CKAP5: variants seen among roughly 807,000 people sequenced by gnomAD.
The protein encoded by CKAP5 is cytoskeleton associated protein 5.
In CKAP5, 27 loss-of-function variants were observed where a neutral mutation model predicts 232.8. That is an observed-to-expected ratio of 0.12 (90% CI 0.09 to 0.16). The LOEUF (loss-of-function observed/expected upper bound fraction) is 0.16. CKAP5 is among the 10% of genes least tolerant of loss of function. The probability of loss-of-function intolerance (pLI) is 1.00; values close to 1 mark genes in which losing one functional copy is unlikely to be tolerated. For synonymous variants in CKAP5, 785 were observed against 841.1 expected (o/e 0.93, Z 1.16); for missense variants, 1,838 against 2,424.7 (o/e 0.76, Z 5.08).
chr11:46,800,620 T>TAC (rs35363443), intron 9 of CKAP5, among the ~76,000 whole-genome samples: 1 of 112,044 alleles, frequency 8.9e-6, no homozygotes, highest in African/African-American at 5.3e-5. Flanking sequence ...GAAACAAACT[T>TAC]ATACAAATAG....
At chr11:46,759,498 AAGAGTAGCACTGTC>A in intron 33 of CKAP5, 56 bp from the exon 34 acceptor site, 1 of 1,537,592 alleles carries the variant, frequency 6.5e-7, no homozygotes, top group Non-Finnish European at 8.8e-7. Flanking sequence ...ACCAAAGGGC[AAGAGTAGCACTGTC>A]AGTTGCCCCA....
At chr11:46,839,519 CACT>C (rs1469075348) in intron 1 of CKAP5, among the ~76,000 whole-genome samples, 6 of 152,174 alleles carry the variant, frequency 3.9e-5, no homozygotes, top group African/African-American at 1.4e-4. Flanking sequence ...CCACCGCCAC[CACT>C]GTCACAGTTG....
chr11:46,759,174 A>G, intron 34 of CKAP5, 95 bp downstream of exon 34: 1 of 1,511,458 alleles, frequency 6.6e-7, no homozygotes, highest in Non-Finnish European at 9.0e-7. Flanking sequence ...AATCAGTTCT[A>G]AAAAGTTTTA....
At chr11:46,819,108 C>T (rs1462206241) in intron 2 of CKAP5, among the ~76,000 whole-genome samples, 1 of 152,068 alleles carries the variant, frequency 6.6e-6, no homozygotes, top group Admixed American at 6.5e-5. Context: ...GCATTAAGTA[C>T]TACAAAGGAG....
At chr11:46,770,730 A>G (rs943522695) in intron 25 of CKAP5, 58 bp downstream of exon 25, 63 of 1,502,504 alleles carry the variant, frequency 4.2e-5, no homozygotes, top group Non-Finnish European at 5.7e-5. Flanking sequence ...TGCCAGGCCC[A>G]TGTTAAATAT....
intron 42 of CKAP5, among the ~76,000 whole-genome samples, chr11:46,749,457 G>GAAAAAAAAAAAAAAAAAAA (rs951405505): frequency 2.6e-5 from 2 of 76,486 alleles, no homozygotes; most frequent in Non-Finnish European, 2.8e-5. Flanking sequence ...TCCGTCTCAA[G>GAAAAAAAAAAAAAAAAAAA]AAAAAAAAAA....
chr11:46,755,084 C>T lies in CKAP5; in HGVS notation c.4690-17G>A. 1.3e-6 allele frequency: 2 copies of T among 1,579,832 alleles called. No individual in the cohort carries two copies. Among genetic ancestry groups the T allele is most frequent in the South Asian group, 2.3e-5 (2 of 85,582 alleles). On this transcript the variant is annotated splice_polypyrimidine_tract_variant and intron_variant, in intron 35 of 43. Transcript: ENST00000529230. Reference sequence around the variant, plus strand: ...CTCATCGATCTGATAACAAAAATTTCAAGATATATTTTCCAAGCTTCATAC... The same window carrying T: ...CTCATCGATCTGATAACAAAAATTTTAAGATATATTTTCCAAGCTTCATAC...
At chr11:46,751,655 C>T in intron 38 of CKAP5, 121 bp from the exon 39 acceptor site, 1 of 801,214 alleles carries the variant, frequency 1.2e-6, no homozygotes, top group Non-Finnish European at 2.0e-6. Context: ...AAATGTGGCA[C>T]ATCATATCTT....
intron 14 of CKAP5, 69 bp downstream of exon 14, chr11:46,790,401 A>G: frequency 8.7e-7 from 1 of 1,151,624 alleles, no homozygotes. Context: ...CCAGCAAAGA[A>G]CTCCAGTCTT....
chr11:46,788,484 G>T (rs2065418166), intron 16 of CKAP5, among the ~76,000 whole-genome samples, 197 bp downstream of exon 16: 1 of 152,068 alleles, frequency 6.6e-6, no homozygotes, highest in African/African-American at 2.4e-5. Flanking sequence ...TGAGGCAGGA[G>T]AATTGCTTGA....
At position 46,760,799 on chromosome 11, in the gene CKAP5, A is replaced by C; in HGVS notation, c.4222-15T>G. 1 of 1,609,246 alleles carries C rather than the reference A, an allele frequency of 6.2e-7. No homozygotes were observed. Among genetic ancestry groups the C allele is most frequent in the Non-Finnish European group, 8.5e-7 (1 of 1,177,880 alleles). On this transcript the variant is annotated splice_polypyrimidine_tract_variant and intron_variant, in intron 32 of 43. Transcript: ENST00000529230. The stretch of plus-strand genomic sequence containing the variant: ...TTTTCAGAAAGCTGTAAAGAGGCCA[A>C]ATTTAGAAACCTAACTGGATAACAC...
chr11:46,828,960 TACTTAACACTATTGAACTGTAC>T (rs1335429695), intron 1 of CKAP5, among the ~76,000 whole-genome samples: 1 of 152,212 alleles, frequency 6.6e-6, no homozygotes, highest in African/African-American at 2.4e-5. Context: ...GATGTGAATA[TACTTAACACTATTGAACTGTAC>T]ACTTAAAAAT....
intron 26 of CKAP5, 98 bp downstream of exon 26, chr11:46,769,865 T>C (rs2065233513): frequency 2.2e-6 from 3 of 1,338,202 alleles, no homozygotes; most frequent in Non-Finnish European, 3.2e-6. Flanking sequence ...GGATCTACGC[T>C]GTAAGGAAAT....
chr11:46,783,325 G>A lies in CKAP5; in HGVS notation c.2198C>T (p.Ser733Leu). 6.2e-7 allele frequency: 1 copy of A among 1,612,452 alleles called. No individual in the cohort carries two copies. The highest frequency in any genetic ancestry group is 1.3e-5 in the African/African-American group (1 of 74,908). The change falls in exon 18 of 44, where the codon TCA becomes TTA. Residue 733 changes from serine to leucine, a missense_variant. Physicochemically the swap from Ser to Leu is moderately radical, Grantham distance 145 (BLOSUM62 -2). Transcript: ENST00000529230. ...AFSQKNPKNQ[S>L]ETLNWLSNAI... Reference sequence around the variant, plus strand: ...ATTTGATAGCCAATTCAGAGTTTCTGACTGATTTTTGGGATTCTTTTGTGA... The same window carrying A: ...ATTTGATAGCCAATTCAGAGTTTCTAACTGATTTTTGGGATTCTTTTGTGA...
At chr11:46,811,284 TTA>T in intron 4 of CKAP5, 106 bp from the exon 5 acceptor site, 1 of 893,380 alleles carries the variant, frequency 1.1e-6, no homozygotes, top group Non-Finnish European at 1.6e-6. Flanking sequence ...ATTAGAAGAA[TTA>T]TATAAGTTCA....
Position 46,834,575 on chromosome 11 carries a change from C to A in CKAP5, c.-38+11645G>T, listed in dbSNP as rs1397241659. Reference sequence around the variant, plus strand: ...CTAAGTCGGGTTACAGCCCTTAGGACCAAGTAAGGCAAGTCCTCTCTGGTC... The same window carrying A: ...CTAAGTCGGGTTACAGCCCTTAGGAACAAGTAAGGCAAGTCCTCTCTGGTC... On this transcript the variant is annotated intron_variant, in intron 1 of 43. Coordinates refer to ENST00000529230, the MANE Select transcript of CKAP5 (RefSeq NM_001008938.4). Among the ~76,000 whole-genome samples, 8 of 149,936 alleles carry A rather than the reference C, an allele frequency of 5.3e-5. No homozygotes were observed. In the South Asian group the frequency reaches 6.4e-4, roughly 12 times the overall value.
At chr11:46,837,065 T>C (rs1435849562) in intron 1 of CKAP5, among the ~76,000 whole-genome samples, 1 of 152,132 alleles carries the variant, frequency 6.6e-6, no homozygotes, top group Non-Finnish European at 1.5e-5. Flanking sequence ...TCTGAAAGAT[T>C]AAGGGCAAAA....
chr11:46,828,749 G>A (rs576972422), intron 1 of CKAP5, among the ~76,000 whole-genome samples: 1 of 152,162 alleles, frequency 6.6e-6, no homozygotes, highest in Non-Finnish European at 1.5e-5. Context: ...TCTACTAACA[G>A]TCACAAAAAA....
rs541974024 is a variant in CKAP5 at position 46,763,562 on chromosome 11, G to A, written c.3606C>T (p.Ser1202=). Residue 1202 remains serine, a synonymous_variant, in exon 29 of 44, where the codon AGC becomes AGT. Coordinates refer to ENST00000529230, the MANE Select transcript of CKAP5 (RefSeq NM_001008938.4). ...YIEQLKTQMS[S]CVAKWLQDEM... ...CATCTTGTAACCATTTAGCCACACA[G>A]CTAGACATTTGAGTCTTTAGTTGCT... 148 of 1,604,018 alleles carry A rather than the reference G, an allele frequency of 9.2e-5. 3 individuals carry two copies. The South Asian group carries it at 1.6e-3, about 18-fold the overall frequency.
Sources: allele counts gnomAD v4.1 joint callset (sites outside exome capture counted in the v4.1 genomes callset), GRCh38; gene constraint gnomAD v4.1.1; transcripts MANE v1.5; gene names NCBI Gene and HGNC (gene_info 2026-07-23, HGNC 2026-07-21).